Variants in ABCA3 observed in about 807,000 individuals in gnomAD.
ABCA3 encodes phospholipid-transporting ATPase ABCA3.
In ABCA3, 88 loss-of-function variants were observed where a neutral mutation model predicts 172.8. That is an observed-to-expected ratio of 0.51 (90% CI 0.43 to 0.61). The LOEUF (loss-of-function observed/expected upper bound fraction) is 0.61. ABCA3 is among the 20% of genes least tolerant of loss of function. The pLI is 0.00. For missense variants in ABCA3, 2,164 were observed against 2,301.0 expected (o/e 0.94, Z 1.22); for synonymous variants, 1,066 against 983.8 (o/e 1.08, Z -1.56).
chr16:2,329,307 C>T (rs1239518121), intron 2 of ABCA3, among the ~76,000 whole-genome samples: 1 of 152,016 alleles, frequency 6.6e-6, no homozygotes. Context: ...ACATTAAGGC[C>T]TGTGGTTTAT....
At chr16:2,299,332 C>A (rs1043469135) in intron 14 of ABCA3, 71 bp downstream of exon 14, 1 of 1,597,726 alleles carries the variant, frequency 6.3e-7, no homozygotes, top group East Asian at 2.2e-5. Context: ...GGGAGTGAGG[C>A]GGGGCTGGCG....
intron 18 of ABCA3, 32 bp downstream of exon 18, chr16:2,295,558 A>G (rs2093678412): frequency 6.2e-7 from 1 of 1,607,726 alleles, no homozygotes; most frequent in Non-Finnish European, 8.5e-7. Context: ...TCTTGGATGT[A>G]TACCTGTGCG....
chr16:2,281,173 C>T lies in ABCA3; in HGVS notation c.4213G>A (p.Ala1405Thr), dbSNP rs144301862. The stretch of plus-strand genomic sequence containing the variant: ...CCGAAGCACTCCCCTTTCTGCACCG[C>T]GAGGGAGAGCCTGTCCACGGCCAGG... The part of the protein sequence containing the change: ...PLLAVDRLSL[A>T]VQKGECFGLL... The change falls in exon 28 of 33, where the codon GCG (alanine) becomes ACG (threonine). Residue 1405 changes from alanine to threonine, a missense_variant. Physicochemically the swap from Ala to Thr is moderately conservative, Grantham distance 58. Coordinates refer to ENST00000301732, the MANE Select transcript of ABCA3 (RefSeq NM_001089.3). This position sits in a 1 kb window ranked among gnomAD's most constrained non-coding sequence, Gnocchi z 4.7. 5.0e-5 allele frequency: 80 copies of T among 1,613,698 alleles called. No individual in the cohort carries two copies. In the African/African-American group the frequency reaches 7.6e-4, roughly 15 times the overall value.
At chr16:2,322,386 T>A (rs2093727449) in intron 7 of ABCA3, among the ~76,000 whole-genome samples, 1 of 151,968 alleles carries the variant, frequency 6.6e-6, no homozygotes, top group Non-Finnish European at 1.5e-5. Flanking sequence ...TTTCTTTTTT[T>A]TTTTAATTAT....
chr16:2,311,108 G>T (rs1367406827), intron 10 of ABCA3, among the ~76,000 whole-genome samples: 1 of 151,950 alleles, frequency 6.6e-6, no homozygotes, highest in African/African-American at 2.4e-5. Context: ...CGAGTCACTG[G>T]GACTACAGGC....
At chr16:2,316,132 C>T (rs1596858600) in intron 10 of ABCA3, among the ~76,000 whole-genome samples, 1 of 87,518 alleles carries the variant, frequency 1.1e-5, no homozygotes, top group African/African-American at 4.6e-5. Flanking sequence ...GTCTGGGAAA[C>T]ATGGTGAGAA....
In ABCA3 at chr16:2,319,259, G is replaced by A. The variant is rs1242318829; in HGVS notation, c.873+322C>T. Among the ~76,000 whole-genome samples the A allele has an allele frequency of 6.6e-5, 10 of 152,250 alleles. No individual in the cohort carries two copies. In the East Asian group the frequency reaches 9.7e-4, roughly 15 times the overall value. On this transcript the variant is annotated intron_variant, in intron 8 of 32. Coordinates refer to ENST00000301732, the MANE Select transcript of ABCA3 (RefSeq NM_001089.3). ...CCAGCACTTCTGGAGGCCGAGGCGG[G>A]CGGATCACAAGGTCAGGAGATTGAG... is the stretch of plus-strand genomic sequence containing the variant.
At chr16:2,323,800 TC>T in intron 6 of ABCA3, 112 bp from the exon 7 acceptor site, 1 of 1,111,496 alleles carries the variant, frequency 9.0e-7, no homozygotes, top group Non-Finnish European at 1.3e-6. Flanking sequence ...AACTCACCAC[TC>T]CCCCGCCTCT....
intron 7 of ABCA3, among the ~76,000 whole-genome samples, chr16:2,320,112 T>C (rs2093723577): frequency 6.6e-6 from 1 of 152,084 alleles, no homozygotes; most frequent in Admixed American, 6.5e-5. Flanking sequence ...ACTTTTTTTT[T>C]TTTTGAGACG....
At chr16:2,317,601 C>G in intron 9 of ABCA3, 47 bp downstream of exon 9, 1 of 1,606,108 alleles carries the variant, frequency 6.2e-7, no homozygotes, top group South Asian at 1.1e-5. Context: ...CCTGGGGTGC[C>G]CTGGCTCTCC....
At position 2,319,662 on chromosome 16, in the gene ABCA3, G is replaced by T; in HGVS notation, c.792C>A (p.Pro264=). Residue 264 remains proline, a synonymous_variant, in exon 8 of 33, where the codon CCC becomes CCA. Transcript: ENST00000301732. ...PFLVAIQYQL[P]LLLLLSFTYT... ...AGGTGAAGCTGAGCAGCAGCAGCAGGGGCAGCTGGTACTGGATGGCCACGA... is the reference window on the plus strand; with the variant it reads ...AGGTGAAGCTGAGCAGCAGCAGCAGTGGCAGCTGGTACTGGATGGCCACGA... The T allele has an allele frequency of 6.2e-7, 1 of 1,613,844 alleles. No individual in the cohort carries two copies. Among genetic ancestry groups the T allele is most frequent in the Non-Finnish European group, 8.5e-7 (1 of 1,179,998 alleles).
chr16:2,337,644 C>T (rs2093754006), intron 1 of ABCA3, among the ~76,000 whole-genome samples: 1 of 152,116 alleles, frequency 6.6e-6, no homozygotes, highest in African/African-American at 2.4e-5. Flanking sequence ...CCTTGGCCTC[C>T]CAAAGTGCCA....
Position 2,286,995 on chromosome 16 carries a change from C to T in ABCA3, c.3005-28G>A. ...GGGGAGCAATGGCAGAGTCAGGGGA[C>T]ACAGGAAGAGGTGACACCTGGGCAC... On this transcript the variant is annotated intron_variant, in intron 21 of 32. Coordinates refer to ENST00000301732, the MANE Select transcript of ABCA3 (RefSeq NM_001089.3). This position sits in a 1 kb window ranked among gnomAD's most constrained non-coding sequence, Gnocchi z 5.2. 1 of 1,606,672 alleles carries T rather than the reference C, an allele frequency of 6.2e-7. No homozygotes were observed. Among genetic ancestry groups the T allele is most frequent in the Non-Finnish European group, 8.5e-7 (1 of 1,177,312 alleles).
chr16:2,284,179 A>G lies in ABCA3; in HGVS notation c.3862+100T>C. ...CAGAGGAACGCACCAGCCCCAGGCC[A>G]CTCAGACGCAGAGGAGCCCCTGCCC... On this transcript the variant is annotated intron_variant, in intron 25 of 32. Coordinates refer to ENST00000301732, the MANE Select transcript of ABCA3 (RefSeq NM_001089.3). The surrounding 1 kb of genome is among the most constrained non-coding windows in gnomAD (Gnocchi z 5.9). 1 of 1,416,172 alleles carries G rather than the reference A, an allele frequency of 7.1e-7. No individual in the cohort carries two copies. Among genetic ancestry groups the G allele is most frequent in the South Asian group, 1.4e-5 (1 of 73,868 alleles). The allele number at this position is 1,416,172 out of a possible 1,614,324, so 87.7% of individuals were successfully genotyped here.
intron 10 of ABCA3, among the ~76,000 whole-genome samples, chr16:2,312,916 G>A (rs541084361): frequency 1.3e-5 from 2 of 151,932 alleles, no homozygotes; most frequent in Admixed American, 6.6e-5. Flanking sequence ...TGGGCATGGT[G>A]TTGTACACCT....
intron 12 of ABCA3, 59 bp downstream of exon 12, chr16:2,303,910 C>T: frequency 1.3e-6 from 2 of 1,593,076 alleles, no homozygotes; most frequent in Non-Finnish European, 1.7e-6. Context: ...TGAGCAGGTA[C>T]TGGGGACACC....
intron 20 of ABCA3, among the ~76,000 whole-genome samples, chr16:2,288,564 T>C (rs578150680): frequency 2.0e-5 from 3 of 152,244 alleles, no homozygotes; most frequent in East Asian, 1.9e-4. Context: ...GTTGGCACTA[T>C]TTTATTTTTT....
In ABCA3 at chr16:2,324,410, C is replaced by A; in HGVS notation, c.441G>T (p.Pro147=). 1 of 1,597,486 alleles carries A rather than the reference C, an allele frequency of 6.3e-7. No individual in the cohort carries two copies. Among genetic ancestry groups the A allele is most frequent in the South Asian group, 1.1e-5 (1 of 89,462 alleles). The change falls in exon 6 of 33, where the codon CCG becomes CCT. Residue 147 remains proline, a synonymous_variant. Coordinates refer to ENST00000301732, the MANE Select transcript of ABCA3 (RefSeq NM_001089.3). The part of the protein sequence containing the change: ...HPFNHSKEPL[P]LAVKYHLRFS... The stretch of plus-strand genomic sequence containing the variant: ...GCCCGGCCGCACGTCTCACCGCCAG[C>A]GGCAGGGGCTCCTTGCTGTGGTTGA...
chr16:2,339,146 C>T (rs2093756450), intron 1 of ABCA3: 1 of 152,246 alleles, frequency 6.6e-6, no homozygotes, highest in African/African-American at 2.4e-5. Flanking sequence ...ATTCCACAGT[C>T]TCCGGAAGCA....
Sources: allele counts gnomAD v4.1 joint callset (sites outside exome capture counted in the v4.1 genomes callset), GRCh38; gene constraint gnomAD v4.1.1; non-coding constraint Gnocchi (gnomAD v3.1); transcripts MANE v1.5; gene names NCBI Gene and HGNC (gene_info 2026-07-23, HGNC 2026-07-21).